JAK1: variants seen among roughly 807,000 people sequenced by gnomAD.
JAK1 encodes the protein Janus kinase 1, also known as tyrosine-protein kinase JAK1.
JAK1 carries 16 observed loss-of-function variants against 136.6 expected under a neutral mutation model. That is an observed-to-expected ratio of 0.12 (90% CI 0.08 to 0.18). The LOEUF (loss-of-function observed/expected upper bound fraction) is 0.18, where lower values mean the gene tolerates loss of function less well. JAK1 is among the 10% of genes least tolerant of loss of function. The pLI is 1.00. For synonymous variants in JAK1, 492 were observed against 519.5 expected (o/e 0.95, Z 0.72); for missense variants, 859 against 1,450.1 (o/e 0.59, Z 6.62).
rs1380929261 is a variant in JAK1 at position 64,966,474 on chromosome 1, C to G, written c.-219G>C. The G allele has an allele frequency of 2.7e-5, 4 of 150,902 alleles. No individual in the cohort carries two copies. Among genetic ancestry groups the G allele is most frequent in the Non-Finnish European group, 4.4e-5 (3 of 67,662 alleles). The allele number at this position is 150,902 out of a possible 1,614,324, so 9.3% of individuals were successfully genotyped here. A position where few individuals can be genotyped will look rare whatever the true frequency, so the allele number is the denominator to read the frequency against. On this transcript the variant is annotated 5_prime_UTR_variant, in exon 1 of 25. Coordinates refer to ENST00000342505, the MANE Select transcript of JAK1 (RefSeq NM_002227.4). ...GAGGAGGGGTCGCGGCGAGGACAGC[C>G]GGGACTGGGCGCAGGCCCGCACTGT...
At chr1:64,875,110 T>C (rs1315235479) in intron 4 of JAK1, among the ~76,000 whole-genome samples, 1 of 152,250 alleles carries the variant, frequency 6.6e-6, no homozygotes, top group African/African-American at 2.4e-5. Context: ...AACAAGTGTG[T>C]GCTCTAGGCA....
At chr1:64,897,557 G>A (rs1570730434) in intron 1 of JAK1, among the ~76,000 whole-genome samples, 1 of 72,690 alleles carries the variant, frequency 1.4e-5, no homozygotes, top group African/African-American at 6.2e-5. Context: ...GGAGGAGGAG[G>A]AGGAGGAGGA....
At chr1:64,891,254 C>G (rs1334243831) in intron 1 of JAK1, among the ~76,000 whole-genome samples, 2 of 152,124 alleles carry the variant, frequency 1.3e-5, no homozygotes, top group African/African-American at 4.8e-5. Flanking sequence ...AGCGAGAGTG[C>G]CAGGAGTCAA....
intron 11 of JAK1, among the ~76,000 whole-genome samples, chr1:64,852,195 T>C (rs1395197217): frequency 1.3e-5 from 2 of 152,374 alleles, no homozygotes; most frequent in East Asian, 3.9e-4. Flanking sequence ...CTTATGACAA[T>C]CCTGTGGAAT....
chr1:64,852,824 C>T (rs4916008), intron 11 of JAK1, among the ~76,000 whole-genome samples: 18,306 of 152,020 alleles, frequency 0.12, 1,228 homozygotes, highest in East Asian at 0.31. Flanking sequence ...CTTCAGTGCC[C>T]GGTATGGAGT....
intron 2 of JAK1, among the ~76,000 whole-genome samples, chr1:65,033,327 A>T (rs1042031794): frequency 3.3e-5 from 5 of 151,760 alleles, no homozygotes; most frequent in African/African-American, 4.8e-5. Context: ...AAAATAATAA[A>T]TTTTTTTTAA....
chr1:64,856,480 C>A (rs75056795), intron 10 of JAK1, among the ~76,000 whole-genome samples: 1 of 152,060 alleles, frequency 6.6e-6, no homozygotes, highest in Non-Finnish European at 1.5e-5. Flanking sequence ...CCACAGTGTG[C>A]GGTGGAAGTA....
intron 1 of JAK1, among the ~76,000 whole-genome samples, chr1:65,061,515 G>A (rs1299036396): frequency 6.6e-6 from 1 of 152,104 alleles, no homozygotes; most frequent in Non-Finnish European, 1.5e-5. Context: ...TTAAATAACT[G>A]AAGGCACCGT....
chr1:64,835,296 A>T, intron 24 of JAK1, 100 bp downstream of exon 24: 1 of 620,512 alleles, frequency 1.6e-6, no homozygotes, highest in Admixed American at 3.0e-5. Context: ...ACTTCACTGC[A>T]TCATTTCCTC....
intron 1 of JAK1, among the ~76,000 whole-genome samples, chr1:65,059,945 T>C (rs1497054): frequency 0.034 from 5,231 of 152,256 alleles, 301 homozygotes; most frequent in African/African-American, 0.12. Flanking sequence ...ACTCAACTAT[T>C]AACTTTACGT....
At chr1:65,056,499 G>A (rs2132755) in intron 1 of JAK1, among the ~76,000 whole-genome samples, 1,889 of 152,290 alleles carry the variant, frequency 0.012, 16 homozygotes, top group Admixed American at 0.019. Context: ...CTCTCTGTAC[G>A]AGGCCTACTC....
chr1:65,041,264 A>C (rs1647130229), intron 2 of JAK1, among the ~76,000 whole-genome samples: 1 of 152,214 alleles, frequency 6.6e-6, no homozygotes, highest in Admixed American at 6.5e-5. Context: ...GGAAGGGCTC[A>C]TCCCAGTGGG....
chr1:65,025,293 A>G (rs981127042), intron 2 of JAK1, among the ~76,000 whole-genome samples: 1 of 152,202 alleles, frequency 6.6e-6, no homozygotes, highest in South Asian at 2.1e-4. Context: ...CCCACCCGAA[A>G]CATGGATTCC....
chr1:64,873,744 T>C (rs1657221657), intron 4 of JAK1, among the ~76,000 whole-genome samples: 1 of 152,180 alleles, frequency 6.6e-6, no homozygotes, highest in African/African-American at 2.4e-5. Flanking sequence ...GGAGCTAAAG[T>C]GACTTCCCGA....
chr1:64,853,824 C>T (rs1213465274), intron 11 of JAK1, among the ~76,000 whole-genome samples: 1 of 152,166 alleles, frequency 6.6e-6, no homozygotes, highest in African/African-American at 2.4e-5. Flanking sequence ...CACTGTCCTC[C>T]CCACGAGCCC....
chr1:64,903,411 G>A (rs1486307903), intron 1 of JAK1, among the ~76,000 whole-genome samples: 1 of 152,210 alleles, frequency 6.6e-6, no homozygotes, highest in Non-Finnish European at 1.5e-5. Flanking sequence ...CTCATGGCAT[G>A]GGGACAGAGG....
intron 2 of JAK1, among the ~76,000 whole-genome samples, chr1:65,006,120 T>C (rs1186081921): frequency 6.6e-6 from 1 of 152,178 alleles, no homozygotes; most frequent in African/African-American, 2.4e-5. Context: ...GAAGAAATAA[T>C]ATAGAAGTAT....
At chr1:64,871,698 G>A (rs565284075) in intron 5 of JAK1, among the ~76,000 whole-genome samples, 12 of 152,216 alleles carry the variant, frequency 7.9e-5, no homozygotes, top group African/African-American at 2.6e-4. Flanking sequence ...CAACTCAACA[G>A]CAAATCCTAT....
chr1:65,014,551 G>T (rs9436704), intron 2 of JAK1, among the ~76,000 whole-genome samples: 5,712 of 152,198 alleles, frequency 0.038, 320 homozygotes, highest in East Asian at 0.28. Flanking sequence ...GTCAGGGAAA[G>T]TGTGGAGATC....
Sources: gnomAD v4.1 joint callset for allele counts (sites outside exome capture counted in the v4.1 genomes callset) on GRCh38, gnomAD v4.1.1 for gene constraint, MANE v1.5 for transcripts, NCBI Gene and HGNC (gene_info 2026-07-23, HGNC 2026-07-21) for gene names.